The following TMEM130 variants were observed in gnomAD, a reference collection of about 807,000 sequenced individuals.
The protein encoded by TMEM130 is transmembrane protein 130.
In TMEM130, 37 loss-of-function variants were observed where a neutral mutation model predicts 42.9. The ratio of observed to expected loss-of-function variants is 0.86; its 90% CI spans 0.66 to 1.13. TMEM130 has a LOEUF of 1.13. Ranked by LOEUF, TMEM130 falls within the 50% of genes most tolerant of loss-of-function variation. TMEM130 has a pLI of 0.00. For missense variants in TMEM130, 545 were observed against 562.6 expected, an observed-to-expected ratio of 0.97 and a Z score of 0.32; for synonymous variants, 259 against 237.7, an observed-to-expected ratio of 1.09 and a Z score of -0.82.
At chr7:98,863,471 C>A in intron 1 of TMEM130, 71 bp from the exon 2 acceptor site, 1 of 1,383,700 alleles carries the variant, frequency 7.2e-7, no homozygotes. Context: ...CACCTCTGGG[C>A]TGGCATCAAC....
chr7:98,869,372 G>A lies in TMEM130; in HGVS notation c.85+405C>T. ...TTAAGGCAAAAACGTTGCCCATCCC[G>A]TGCTCCCTGGGGGACTGGGGAATTG... On this transcript the variant is annotated intron_variant, in intron 1 of 7. Transcript: ENST00000339375. The surrounding 1 kb of genome is among the most constrained non-coding windows in gnomAD (Gnocchi z 4.7). 3.3e-6 allele frequency: 4 copies of A among 1,206,934 alleles called. No homozygotes were observed. The highest frequency in any genetic ancestry group is 4.2e-6 in the Non-Finnish European group (4 of 954,626). 74.8% of individuals were successfully genotyped at this position (1,206,934 alleles called of 1,614,324 possible). A position where few individuals can be genotyped will look rare whatever the true frequency, so the allele number is the denominator to read the frequency against.
At chr7:98,854,723 T>C (rs1220212100) in intron 5 of TMEM130, among the ~76,000 whole-genome samples, 2 of 151,100 alleles carry the variant, frequency 1.3e-5, no homozygotes, top group African/African-American at 4.9e-5. Flanking sequence ...GGTGACAGGG[T>C]GAAACTCTGT....
Position 98,851,517 on chromosome 7 carries a change from T to A in TMEM130, c.910A>T (p.Thr304Ser). 6.2e-7 allele frequency: 1 copy of A among 1,614,026 alleles called. No individual in the cohort carries two copies. Among genetic ancestry groups the A allele is most frequent in the Non-Finnish European group, 8.5e-7 (1 of 1,179,996 alleles). ...CAGTAGTCCCCAGGGTCCCTGAAGG[T>A]GTGGGTCAGGTTGTACGCTGTGCTG... Reference protein sequence around the residue: ...VASTAYNLTHTFRDPGDYCFS... With the variant: ...VASTAYNLTHSFRDPGDYCFS... Residue 304 changes from threonine (T) to serine (S), a missense_variant, in exon 6 of 8, where the codon ACC (threonine) becomes TCC (serine). Transcript: ENST00000339375.
intron 5 of TMEM130, among the ~76,000 whole-genome samples, chr7:98,854,535 C>T (rs1157523299): frequency 6.6e-6 from 1 of 152,112 alleles, no homozygotes; most frequent in Non-Finnish European, 1.5e-5. Flanking sequence ...GCTCAGGAGA[C>T]TGAGACTAGC....
chr7:98,867,408 G>A (rs1251738228), intron 1 of TMEM130, among the ~76,000 whole-genome samples: 3 of 152,080 alleles, frequency 2.0e-5, no homozygotes, highest in Admixed American at 6.6e-5. Flanking sequence ...ACAGAGAGGT[G>A]CATGGATGAG....
chr7:98,856,264 G>T, intron 3 of TMEM130, 81 bp from the exon 4 acceptor site: 1 of 1,415,018 alleles, frequency 7.1e-7, no homozygotes, highest in Non-Finnish European at 9.8e-7. Context: ...TGATTCATGG[G>T]ACTTGCCAGA....
Position 98,869,410 on chromosome 7 carries a change from G to T in TMEM130, c.85+367C>A. The T allele has an allele frequency of 8.3e-7, 1 of 1,200,942 alleles. No individual in the cohort carries two copies. Among genetic ancestry groups the T allele is most frequent in the Non-Finnish European group, 1.0e-6 (1 of 954,294 alleles). 74.4% of individuals were successfully genotyped at this position (1,200,942 alleles called of 1,614,324 possible). A position where few individuals can be genotyped will look rare whatever the true frequency, so the allele number is the denominator to read the frequency against. On this transcript the variant is annotated intron_variant, in intron 1 of 7. Coordinates refer to ENST00000339375, the MANE Select transcript of TMEM130 (RefSeq NM_152913.3). The surrounding 1 kb of genome is among the most constrained non-coding windows in gnomAD (Gnocchi z 4.7). ...GACTGGGGAATTGTGGCGCGATGACGGACCCTGGCGCATCCCCGCCTCCCT... is the reference window on the plus strand; with the variant it reads ...GACTGGGGAATTGTGGCGCGATGACTGACCCTGGCGCATCCCCGCCTCCCT...
In TMEM130 at chr7:98,855,862, C is replaced by G. The variant is rs931548490; in HGVS notation, c.718+155G>C. Among the ~76,000 whole-genome samples the G allele has an allele frequency of 9.2e-5, 14 of 152,350 alleles. No homozygotes were observed. The South Asian group carries it at 2.9e-3, about 32-fold the overall frequency. On this transcript the variant is annotated intron_variant, in intron 4 of 7. Coordinates refer to ENST00000339375, the MANE Select transcript of TMEM130 (RefSeq NM_152913.3). Reference sequence around the variant, plus strand: ...ATGATCCCATCCGTGGCCTGCAGCGCTCTGTCTGAAGCAGGGTTAATGATA... The same window carrying G: ...ATGATCCCATCCGTGGCCTGCAGCGGTCTGTCTGAAGCAGGGTTAATGATA...
intron 3 of TMEM130, among the ~76,000 whole-genome samples, chr7:98,857,722 C>G (rs1554399244): frequency 7.9e-5 from 3 of 38,036 alleles, no homozygotes; most frequent in Non-Finnish European, 1.6e-4. Flanking sequence ...AAAAACACAT[C>G]CTTTTTTTTT....
intron 6 of TMEM130, among the ~76,000 whole-genome samples, chr7:98,850,644 G>T (rs1794478217): frequency 6.6e-6 from 1 of 151,970 alleles, no homozygotes; most frequent in South Asian, 2.1e-4. Flanking sequence ...AGACTCCTGG[G>T]TTCAATCAGT....
In TMEM130 at chr7:98,869,130, G is replaced by A; in HGVS notation, c.85+647C>T. 1.6e-6 allele frequency: 2 copies of A among 1,236,728 alleles called. No homozygotes were observed. Among genetic ancestry groups the A allele is most frequent in the South Asian group, 1.3e-5 (1 of 75,756 alleles). The allele number at this position is 1,236,728 out of a possible 1,614,324, so 76.6% of individuals were successfully genotyped here. ...AAATGTGGCAGAGAGGTGGGTGCTG[G>A]CTTTCTGGCGGTGGGGAAGTGGGGG... On this transcript the variant is annotated intron_variant, in intron 1 of 7. Transcript: ENST00000339375. The surrounding 1 kb of genome is among the most constrained non-coding windows in gnomAD (Gnocchi z 4.7).
intron 7 of TMEM130, 71 bp from the exon 8 acceptor site, chr7:98,848,279 A>T (rs1794408673): frequency 6.3e-7 from 1 of 1,587,976 alleles, no homozygotes; most frequent in Non-Finnish European, 8.6e-7. Flanking sequence ...TCAATCACCC[A>T]CCCACCAGGA....
chr7:98,862,385 CAG>C (rs1353914365), intron 2 of TMEM130, among the ~76,000 whole-genome samples: 19 of 147,066 alleles, frequency 1.3e-4, no homozygotes, highest in Non-Finnish European at 2.2e-4. Flanking sequence ...AAGAGACAGA[CAG>C]AGATAGAACA....
chr7:98,861,773 T>A (rs949210691), intron 2 of TMEM130, among the ~76,000 whole-genome samples: 4 of 152,136 alleles, frequency 2.6e-5, no homozygotes, highest in Non-Finnish European at 5.9e-5. Flanking sequence ...GCATGCTCAA[T>A]AGAGCTCATT....
At chr7:98,855,957 G>A in intron 4 of TMEM130, 60 bp downstream of exon 4, 1 of 1,575,700 alleles carries the variant, frequency 6.3e-7, no homozygotes, top group Non-Finnish European at 8.6e-7. Flanking sequence ...ACTGTGATCT[G>A]TGCGTACGGT....
intron 3 of TMEM130, among the ~76,000 whole-genome samples, chr7:98,857,925 A>G (rs1794672640): frequency 6.6e-6 from 1 of 151,694 alleles, no homozygotes. Context: ...CATTTTTAGT[A>G]CAGACGGGGT....
intron 6 of TMEM130, 29 bp from the exon 7 acceptor site, chr7:98,848,724 ACTGGGTAG>A (rs782612427): frequency 9.6e-6 from 14 of 1,458,000 alleles, no homozygotes; most frequent in Non-Finnish European, 1.3e-5. Flanking sequence ...ACATTACAGG[ACTGGGTAG>A]CTGGTACTAC....
chr7:98,862,090 T>C (rs546709465), intron 2 of TMEM130, among the ~76,000 whole-genome samples: 241 of 152,310 alleles, frequency 1.6e-3, no homozygotes, highest in South Asian at 3.3e-3. Flanking sequence ...TATCTCTTCT[T>C]TTGCTATTAT....
chr7:98,864,730 C>A (rs1389151563), intron 1 of TMEM130, among the ~76,000 whole-genome samples: 1 of 152,022 alleles, frequency 6.6e-6, no homozygotes, highest in African/African-American at 2.4e-5. Flanking sequence ...GAAACCCTGT[C>A]TCCACTAAAA....
Sources: allele counts gnomAD v4.1 joint callset (sites outside exome capture counted in the v4.1 genomes callset), GRCh38; gene constraint gnomAD v4.1.1; non-coding constraint Gnocchi (gnomAD v3.1); transcripts MANE v1.5; gene names NCBI Gene and HGNC (gene_info 2026-07-23, HGNC 2026-07-21).